Variants in BTBD9 observed in about 807,000 individuals in gnomAD.
BTBD9 encodes the protein BTB domain containing 9.
BTBD9 carries 49 observed loss-of-function variants against 64.3 expected under a neutral mutation model. The ratio of observed to expected loss-of-function variants is 0.76; its 90% confidence interval spans 0.61 to 0.97. The LOEUF is 0.97. Ranked by LOEUF, BTBD9 falls within the 50% of genes least tolerant of loss-of-function variation. The pLI is 0.00. For synonymous variants in BTBD9, 260 were observed against 274.7 expected, an observed-to-expected ratio of 0.95 and a Z score of 0.53; for missense variants, 598 against 762.1, an observed-to-expected ratio of 0.78 and a Z score of 2.53.
At chr6:38,449,628 G>A (rs952949368) in intron 6 of BTBD9, among the ~76,000 whole-genome samples, 1 of 152,152 alleles carries the variant, frequency 6.6e-6, no homozygotes, top group African/African-American at 2.4e-5. Flanking sequence ...AACTCAGCTG[G>A]ATGCAGTGGC....
At chr6:38,223,972 G>A (rs1763302417) in intron 9 of BTBD9, among the ~76,000 whole-genome samples, 1 of 152,030 alleles carries the variant, frequency 6.6e-6, no homozygotes, top group Non-Finnish European at 1.5e-5. Flanking sequence ...CAGAATTTTT[G>A]GAGGCCAAAG....
intron 6 of BTBD9, among the ~76,000 whole-genome samples, chr6:38,378,911 T>A (rs1009707084): frequency 6.6e-6 from 1 of 150,396 alleles, no homozygotes; most frequent in South Asian, 2.1e-4. Context: ...GAGGCAAGAA[T>A]CGTTGGAAAG....
At chr6:38,610,332 C>T (rs188426049) in intron 1 of BTBD9, among the ~76,000 whole-genome samples, 1 of 152,288 alleles carries the variant, frequency 6.6e-6, no homozygotes, top group East Asian at 1.9e-4. Flanking sequence ...CATGGTAAAT[C>T]TAAAGCAACC....
intron 7 of BTBD9, among the ~76,000 whole-genome samples, chr6:38,315,856 GTTTC>G (rs1364990635): frequency 2.0e-5 from 3 of 152,180 alleles, no homozygotes; most frequent in Non-Finnish European, 4.4e-5. Flanking sequence ...TAAGTCTGAT[GTTTC>G]TTTATTGATT....
chr6:38,217,684 A>G (rs970842258), intron 9 of BTBD9, among the ~76,000 whole-genome samples: 2 of 147,238 alleles, frequency 1.4e-5, no homozygotes, highest in East Asian at 4.0e-4. Context: ...AAACATTATT[A>G]TTTTTTTCTT....
At chr6:38,403,400 T>C (rs1767030634) in intron 6 of BTBD9, among the ~76,000 whole-genome samples, 1 of 152,008 alleles carries the variant, frequency 6.6e-6, no homozygotes, top group African/African-American at 2.4e-5. Flanking sequence ...AAAAACCAAC[T>C]CAATTTAAAA....
chr6:38,293,750 A>G (rs1322795214), intron 7 of BTBD9, among the ~76,000 whole-genome samples: 2 of 152,248 alleles, frequency 1.3e-5, no homozygotes, highest in Non-Finnish European at 2.9e-5. Flanking sequence ...CATTCAGGAC[A>G]TAGGCATGGG....
At chr6:38,510,793 C>T (rs1772739838) in intron 6 of BTBD9, among the ~76,000 whole-genome samples, 1 of 152,144 alleles carries the variant, frequency 6.6e-6, no homozygotes, top group Non-Finnish European at 1.5e-5. Flanking sequence ...ATATCTCTGT[C>T]TTCCACCTCC....
At chr6:38,203,678 A>G (rs561635320) in intron 9 of BTBD9, among the ~76,000 whole-genome samples, 1 of 152,310 alleles carries the variant, frequency 6.6e-6, no homozygotes, top group South Asian at 2.1e-4. Flanking sequence ...GTTTTCTCTC[A>G]TATGTAGGAG....
intron 9 of BTBD9, among the ~76,000 whole-genome samples, chr6:38,216,435 A>C (rs1254002766): frequency 6.6e-6 from 1 of 152,198 alleles, no homozygotes; most frequent in Non-Finnish European, 1.5e-5. Context: ...CAAGTCTATC[A>C]AGCCTTCTGC....
At chr6:38,472,539 TTATA>T (rs1485633411) in intron 6 of BTBD9, among the ~76,000 whole-genome samples, 4 of 152,016 alleles carry the variant, frequency 2.6e-5, no homozygotes, top group African/African-American at 9.7e-5. Flanking sequence ...TTAAAAAAAA[TTATA>T]TATGAAATCC....
rs143033802 is a variant in BTBD9, at chr6:38,520,386, G to A, written c.1154+57214C>T. ...TGAGGCAGGATAATCACTTGAACCCGAGAGGCAGAGGTTGCAGTGAGCCGA... is the reference window on the plus strand; with the variant it reads ...TGAGGCAGGATAATCACTTGAACCCAAGAGGCAGAGGTTGCAGTGAGCCGA... On this transcript the variant is annotated intron_variant, in intron 6 of 10. Transcript: ENST00000481247. Among the ~76,000 whole-genome samples the A allele has an allele frequency of 4.0e-3, 607 of 151,466 alleles. 3 individuals carry two copies. The highest frequency in any genetic ancestry group is 0.014 in the African/African-American group (567 of 41,196).
intron 3 of BTBD9, among the ~76,000 whole-genome samples, chr6:38,593,171 T>C (rs1776885675): frequency 6.6e-6 from 1 of 152,004 alleles, no homozygotes; most frequent in Admixed American, 6.5e-5. Context: ...TTCAAGAGAG[T>C]GTACATTGTT....
At chr6:38,392,242 G>A (rs773563645) in intron 6 of BTBD9, among the ~76,000 whole-genome samples, 3 of 151,708 alleles carry the variant, frequency 2.0e-5, no homozygotes, top group Non-Finnish European at 2.9e-5. Flanking sequence ...AGAGAAAAAC[G>A]GAGTCAAAGA....
At position 38,588,448 on chromosome 6, in the gene BTBD9, A is replaced by C. The variant is rs116080615; in HGVS notation, c.814+4128T>G. ...TACTTCACTTCCTGTAAGTAGCATG[A>C]CCCCTCCTCCAACTGGGCCTAATCC... On this transcript the variant is annotated intron_variant, in intron 4 of 10. Transcript: ENST00000481247. 3.7e-3 allele frequency: 2,958 copies of C among 809,940 alleles called. 59 individuals are homozygous for C. In the African/African-American group the frequency reaches 0.044, roughly 12 times the overall value. The allele number at this position is 809,940 out of a possible 1,614,324, so 50.2% of individuals were successfully genotyped here.
chr6:38,375,499 A>G (rs1765645844), intron 6 of BTBD9, among the ~76,000 whole-genome samples: 2 of 152,218 alleles, frequency 1.3e-5, no homozygotes, highest in Admixed American at 1.3e-4. Flanking sequence ...AAAGTCAGCA[A>G]GTATTAAAGT....
intron 1 of BTBD9, among the ~76,000 whole-genome samples, chr6:38,602,567 T>A (rs538129269): frequency 6.6e-6 from 1 of 152,088 alleles, no homozygotes; most frequent in Non-Finnish European, 1.5e-5. Flanking sequence ...ACTGGGGCTG[T>A]TGGAAAATTT....
chr6:38,525,218 G>A lies in BTBD9; in HGVS notation c.1154+52382C>T, dbSNP rs183643902. On this transcript the variant is annotated intron_variant, in intron 6 of 10. Coordinates refer to ENST00000481247, the MANE Select transcript of BTBD9 (RefSeq NM_001099272.2). The stretch of plus-strand genomic sequence containing the variant: ...CTCATGACAGTGAGTGAGTTCTCAC[G>A]AGATCTGATGGTTTTATAATCAGTT... 1.0e-3 allele frequency among the ~76,000 whole-genome samples: 158 copies of A among 152,218 alleles called. 1 individual carries two copies. The highest frequency in any genetic ancestry group is 3.5e-3 in the African/African-American group (146 of 41,540).
At chr6:38,205,419 A>G (rs936311861) in intron 9 of BTBD9, among the ~76,000 whole-genome samples, 1 of 152,208 alleles carries the variant, frequency 6.6e-6, no homozygotes, top group African/African-American at 2.4e-5. Context: ...TTCCTTCTAA[A>G]TGCTGAGGGA....
Sources: gnomAD v4.1 joint callset for allele counts (sites outside exome capture counted in the v4.1 genomes callset) on GRCh38, gnomAD v4.1.1 for gene constraint, MANE v1.5 for transcripts, NCBI Gene and HGNC (gene_info 2026-07-23, HGNC 2026-07-21) for gene names.